The following BBS9 variants were observed in gnomAD, a reference collection of about 807,000 sequenced individuals.
BBS9 encodes protein PTHB1.
A neutral mutation model predicts 117.7 loss-of-function variants in BBS9; 89 were observed. The ratio of observed to expected loss-of-function variants is 0.76; its 90% CI spans 0.64 to 0.90. The LOEUF (loss-of-function observed/expected upper bound fraction) is 0.90. BBS9 is among the 40% of genes least tolerant of loss of function. The pLI is 0.00. For synonymous variants in BBS9, 379 were observed against 370.9 expected (o/e 1.02, Z -0.25); for missense variants, 982 against 1,042.2 (o/e 0.94, Z 0.80).
chr7:33,241,021 C>G (rs112195562), intron 5 of BBS9, among the ~76,000 whole-genome samples: 3 of 152,016 alleles, frequency 2.0e-5, no homozygotes, highest in African/African-American at 7.2e-5. Context: ...ACAACCATTA[C>G]GAGGGAAAAG....
chr7:33,218,193 A>G (rs1374913936), intron 5 of BBS9, among the ~76,000 whole-genome samples: 1 of 152,242 alleles, frequency 6.6e-6, no homozygotes, highest in Admixed American at 6.5e-5. Context: ...TATAGATTAC[A>G]TACTTACTGA....
intron 19 of BBS9, among the ~76,000 whole-genome samples, chr7:33,424,855 T>C (rs1371481256): frequency 4.6e-5 from 7 of 152,176 alleles, no homozygotes; most frequent in Non-Finnish European, 8.8e-5. Context: ...TGTTATAACT[T>C]AAGAGATTTG....
At chr7:33,603,351 C>A (rs1370689684) in intron 21 of BBS9, among the ~76,000 whole-genome samples, 1 of 152,076 alleles carries the variant, frequency 6.6e-6, no homozygotes, top group Non-Finnish European at 1.5e-5. Flanking sequence ...GCCACCACCG[C>A]ATATACCCTT....
chr7:33,404,315 T>A (rs1293028804), intron 19 of BBS9, among the ~76,000 whole-genome samples: 1 of 152,162 alleles, frequency 6.6e-6, no homozygotes, highest in African/African-American at 2.4e-5. Flanking sequence ...TAGGATTGAC[T>A]TGGCGATGTG....
At chr7:33,494,709 A>C (rs1053853871) in intron 19 of BBS9, among the ~76,000 whole-genome samples, 7 of 152,224 alleles carry the variant, frequency 4.6e-5, no homozygotes, top group African/African-American at 1.7e-4. Context: ...TTAGTATTAC[A>C]AACATTCATT....
chr7:33,215,618 C>G (rs1788896165), intron 5 of BBS9, among the ~76,000 whole-genome samples: 1 of 152,146 alleles, frequency 6.6e-6, no homozygotes, highest in Non-Finnish European at 1.5e-5. Context: ...CACACACACA[C>G]ATAGACACAC....
chr7:33,322,991 C>T (rs1237067049), intron 9 of BBS9, among the ~76,000 whole-genome samples: 1 of 152,090 alleles, frequency 6.6e-6, no homozygotes, highest in Non-Finnish European at 1.5e-5. Context: ...CTTCATTGAT[C>T]CACTGTTCAT....
intron 21 of BBS9, among the ~76,000 whole-genome samples, chr7:33,620,876 G>T (rs943868995): frequency 3.3e-5 from 5 of 152,070 alleles, no homozygotes; most frequent in African/African-American, 4.8e-5. Flanking sequence ...GCATTGTACT[G>T]CAATAAATAC....
chr7:33,466,875 G>T (rs1432145130), intron 19 of BBS9, among the ~76,000 whole-genome samples: 1 of 152,142 alleles, frequency 6.6e-6, no homozygotes, highest in Non-Finnish European at 1.5e-5. Flanking sequence ...CTCTGCCTCA[G>T]TGTGGAAATC....
At chr7:33,386,700 T>G (rs1018857392) in intron 18 of BBS9, among the ~76,000 whole-genome samples, 1 of 151,992 alleles carries the variant, frequency 6.6e-6, no homozygotes, top group African/African-American at 2.4e-5. Context: ...TTCACTGTGT[T>G]AGCCAGGATG....
intron 5 of BBS9, among the ~76,000 whole-genome samples, chr7:33,187,112 T>C (rs1272247025): frequency 6.6e-6 from 1 of 152,218 alleles, no homozygotes; most frequent in African/African-American, 2.4e-5. Context: ...TTTACCTAGT[T>C]AAGACAAACT....
chr7:33,240,975 G>C (rs767641600), intron 5 of BBS9, among the ~76,000 whole-genome samples: 13 of 152,078 alleles, frequency 8.5e-5, no homozygotes, highest in Non-Finnish European at 1.9e-4. Context: ...ACATTAAGTA[G>C]ATAATGATTA....
At chr7:33,412,417 C>T (rs1831313666) in intron 19 of BBS9, among the ~76,000 whole-genome samples, 1 of 152,212 alleles carries the variant, frequency 6.6e-6, no homozygotes, top group Admixed American at 6.5e-5. Flanking sequence ...ACTGGCATTT[C>T]TTCAGTGAGT....
At chr7:33,230,487 T>C (rs1792147510) in intron 5 of BBS9, among the ~76,000 whole-genome samples, 1 of 152,144 alleles carries the variant, frequency 6.6e-6, no homozygotes, top group Non-Finnish European at 1.5e-5. Flanking sequence ...GTATAGCGAG[T>C]AGTGAAGTTT....
At chr7:33,286,167 A>G (rs962673315) in intron 9 of BBS9, among the ~76,000 whole-genome samples, 29 of 152,250 alleles carry the variant, frequency 1.9e-4, no homozygotes, top group African/African-American at 6.7e-4. Context: ...GTTTCCACTG[A>G]AAAACTTCTT....
At chr7:33,365,403 G>A (rs1563068994) in intron 16 of BBS9, among the ~76,000 whole-genome samples, 1 of 152,224 alleles carries the variant, frequency 6.6e-6, no homozygotes, top group Non-Finnish European at 1.5e-5. Flanking sequence ...GCATAGCAAT[G>A]TAAACTGTTT....
chr7:33,499,763 GTA>G (rs1282520132), intron 19 of BBS9, among the ~76,000 whole-genome samples: 2 of 152,138 alleles, frequency 1.3e-5, no homozygotes, highest in African/African-American at 4.8e-5. Context: ...AGCAATAATA[GTA>G]TATACCTCAC....
intron 6 of BBS9, among the ~76,000 whole-genome samples, chr7:33,258,692 C>G (rs557910568): frequency 5.3e-5 from 8 of 152,282 alleles, no homozygotes; most frequent in African/African-American, 1.9e-4. Context: ...GCTTTCCACC[C>G]AGCTCTGTGC....
chr7:33,515,478 A>T (rs769583301), intron 20 of BBS9, among the ~76,000 whole-genome samples: 15 of 152,124 alleles, frequency 9.9e-5, no homozygotes, highest in Admixed American at 2.6e-4. Context: ...TGAGCCTCTT[A>T]TATCCTTTCA....
Sources: gnomAD v4.1 joint callset for allele counts (sites outside exome capture counted in the v4.1 genomes callset) on GRCh38, gnomAD v4.1.1 for gene constraint, MANE v1.5 for transcripts, NCBI Gene and HGNC (gene_info 2026-07-23, HGNC 2026-07-21) for gene names.